Variants in STX1A observed in about 807,000 individuals in gnomAD.
STX1A encodes syntaxin-1A.
In STX1A, 4 loss-of-function variants were observed where a neutral mutation model predicts 37.8. That is an observed-to-expected ratio of 0.11 (90% CI 0.05 to 0.24). The LOEUF (loss-of-function observed/expected upper bound fraction) is 0.24, where lower values mean the gene tolerates loss of function less well. Ranked by LOEUF, STX1A falls within the 10% of genes least tolerant of loss-of-function variation. The pLI, the probability that STX1A is intolerant of heterozygous loss-of-function variation, is 1.00. For synonymous variants in STX1A, 135 were observed against 147.4 expected (o/e 0.92, Z 0.61); for missense variants, 251 against 399.9 (o/e 0.63, Z 3.18).
intron 7 of STX1A, 63 bp from the exon 8 acceptor site, chr7:73,703,045 G>T: frequency 1.5e-6 from 2 of 1,340,136 alleles, no homozygotes; most frequent in Non-Finnish European, 2.0e-6. Context: ...AGAGGGCCGA[G>T]GGGGAGGGCG....
Position 73,708,655 on chromosome 7 carries a change from C to G in STX1A, c.142G>C (p.Ala48Pro). Residue 48 changes from alanine to proline, a missense_variant, in exon 3 of 10, where the codon GCA (alanine) becomes CCA (proline). By Grantham distance (27) the Ala-to-Pro change is conservative. This residue lies in a region of STX1A where 214 missense variants were observed against 367.6 expected (regional missense o/e 0.58). Coordinates refer to ENST00000222812, the MANE Select transcript of STX1A (RefSeq NM_004603.4). ...CGCTTCACCTCCTCCACGTTCTCTGCGATCTTGTCAATGAAGCCTCGAATC... is the reference window on the plus strand; with the variant it reads ...CGCTTCACCTCCTCCACGTTCTCTGGGATCTTGTCAATGAAGCCTCGAATC... The part of the protein sequence containing the change: ...EEIRGFIDKI[A>P]ENVEEVKRKH... The G allele has an allele frequency of 6.2e-7, 1 of 1,614,110 alleles. No homozygotes were observed. Among genetic ancestry groups the G allele is most frequent in the Non-Finnish European group, 8.5e-7 (1 of 1,180,002 alleles).
chr7:73,701,680 T>C (rs1225643274), intron 8 of STX1A, among the ~76,000 whole-genome samples: 3 of 152,158 alleles, frequency 2.0e-5, no homozygotes, highest in African/African-American at 7.2e-5. Context: ...AGTCCATCGG[T>C]TGCCTTCACT....
chr7:73,704,213 T>C lies in STX1A; in HGVS notation c.401A>G (p.Tyr134Cys). The C allele has an allele frequency of 6.2e-7, 1 of 1,613,810 alleles. No individual in the cohort carries two copies. Among genetic ancestry groups the C allele is most frequent in the Non-Finnish European group, 8.5e-7 (1 of 1,179,984 alleles). ...GCGGTAGTCGGACTGCGTGGCGTTG[T>C]ACTCCGACATGACCTCCACAAACTT... ...SRKFVEVMSE[Y>C]NATQSDYRER... The change falls in exon 6 of 10, where the codon TAC (tyrosine) becomes TGC (cysteine). Residue 134 changes from tyrosine to cysteine, a missense_variant. Transcript: ENST00000222812.
chr7:73,709,853 C>T lies in STX1A; in HGVS notation c.31-731G>A, dbSNP rs1340238265. On this transcript the variant is annotated intron_variant, in intron 1 of 9. Transcript: ENST00000222812. The surrounding 1 kb of genome is among the most constrained non-coding windows in gnomAD (Gnocchi z 4.2). ...TCCCGAGGTGGCACGGATCAGATCT[C>T]TTAGGAATCTCCTGTGAGTCTTTTT... Among the ~76,000 whole-genome samples the T allele has an allele frequency of 3.9e-5, 6 of 152,208 alleles. No homozygotes were observed. The highest frequency in any genetic ancestry group is 1.4e-4 in the African/African-American group (6 of 41,452).
rs1016279497 is a variant in STX1A at position 73,706,259 on chromosome 7, A to G, written c.209-1035T>C. On this transcript the variant is annotated intron_variant, in intron 3 of 9. Coordinates refer to ENST00000222812, the MANE Select transcript of STX1A (RefSeq NM_004603.4). This position sits in a 1 kb window ranked among gnomAD's most constrained non-coding sequence, Gnocchi z 4.6. Reference sequence around the variant, plus strand: ...GGAATGCAGTGAGGTGGAGCGGGGAAGGGGGGGTTCCGAGGCGCGGAGGAG... The same window carrying G: ...GGAATGCAGTGAGGTGGAGCGGGGAGGGGGGGGTTCCGAGGCGCGGAGGAG... 1.3e-5 allele frequency among the ~76,000 whole-genome samples: 2 copies of G among 152,172 alleles called. No homozygotes were observed. Among genetic ancestry groups the G allele is most frequent in the African/African-American group, 4.8e-5 (2 of 41,524 alleles).
chr7:73,712,675 T>TA (rs1232046571), intron 1 of STX1A, among the ~76,000 whole-genome samples: 1 of 152,138 alleles, frequency 6.6e-6, no homozygotes, highest in Non-Finnish European at 1.5e-5. Context: ...CCCCAACTGT[T>TA]AGAGTCCTTC....
intron 4 of STX1A, 128 bp from the exon 5 acceptor site, chr7:73,704,551 C>G: frequency 8.5e-7 from 1 of 1,170,020 alleles, no homozygotes; most frequent in Non-Finnish European, 1.2e-6. Flanking sequence ...CTGGTGGGAT[C>G]AGTGCCAGGC....
chr7:73,709,147 G>T lies in STX1A; in HGVS notation c.31-25C>A. The T allele has an allele frequency of 6.2e-7, 1 of 1,608,838 alleles. No individual in the cohort carries two copies. Among genetic ancestry groups the T allele is most frequent in the Non-Finnish European group, 8.5e-7 (1 of 1,179,546 alleles). Reference sequence around the variant, plus strand: ...CCTGTGCGGGGTTGTGCACACATAAGTGGACGTATGTACAGGACCCACCTG... The same window carrying T: ...CCTGTGCGGGGTTGTGCACACATAATTGGACGTATGTACAGGACCCACCTG... On this transcript the variant is annotated intron_variant, in intron 1 of 9. Coordinates refer to ENST00000222812, the MANE Select transcript of STX1A (RefSeq NM_004603.4). The surrounding 1 kb of genome is among the most constrained non-coding windows in gnomAD (Gnocchi z 4.2).
intron 1 of STX1A, among the ~76,000 whole-genome samples, chr7:73,715,194 C>T (rs1265570882): frequency 2.0e-5 from 3 of 150,980 alleles, no homozygotes; most frequent in South Asian, 2.1e-4. Flanking sequence ...GAGGCCGAGG[C>T]GGGCAGATCA....
Position 73,700,307 on chromosome 7 carries a change from A to G in STX1A, c.*100T>C. ...GGGGGCCGGGAGGGAGGGTGCTCTG[A>G]GCCAGAGGCGGGGGTTGGGAGGGCA... On this transcript the variant is annotated 3_prime_UTR_variant, in exon 10 of 10. Coordinates refer to ENST00000222812, the MANE Select transcript of STX1A (RefSeq NM_004603.4). The surrounding 1 kb of genome is among the most constrained non-coding windows in gnomAD (Gnocchi z 4.4). 8.4e-7 allele frequency: 1 copy of G among 1,192,302 alleles called. No homozygotes were observed. Among genetic ancestry groups the G allele is most frequent in the Non-Finnish European group, 1.2e-6 (1 of 810,504 alleles). The allele number at this position is 1,192,302 out of a possible 1,614,324, so 73.9% of individuals were successfully genotyped here. A position where few individuals can be genotyped will look rare whatever the true frequency, so the allele number is the denominator to read the frequency against.
chr7:73,713,319 C>G (rs1272187658), intron 1 of STX1A, among the ~76,000 whole-genome samples: 3 of 152,144 alleles, frequency 2.0e-5, no homozygotes, highest in Non-Finnish European at 2.9e-5. Context: ...CCACTGCCAC[C>G]CTCACCTCCT....
chr7:73,703,614 C>A, intron 7 of STX1A, 141 bp downstream of exon 7: 1 of 1,011,622 alleles, frequency 9.9e-7, no homozygotes. Flanking sequence ...GGTGTTTTCC[C>A]CTCTCTGGGA....
chr7:73,712,564 C>G (rs1554618120), intron 1 of STX1A, among the ~76,000 whole-genome samples: 1 of 152,110 alleles, frequency 6.6e-6, no homozygotes. Context: ...CCTAAGGGAC[C>G]TGAAAAGTCC....
chr7:73,717,915 G>T lies in STX1A; in HGVS notation c.30+1687C>A, dbSNP rs946690235. ...CCCTTTTCTACCACCCCTCCCTCTA[G>T]CAGGCAAGCCGTGTTTCTTTTGTGC... On this transcript the variant is annotated intron_variant, in intron 1 of 9. Coordinates refer to ENST00000222812, the MANE Select transcript of STX1A (RefSeq NM_004603.4). The surrounding 1 kb of genome is among the most constrained non-coding windows in gnomAD (Gnocchi z 4.1). 9.2e-5 allele frequency among the ~76,000 whole-genome samples: 14 copies of T among 152,148 alleles called. No individual in the cohort carries two copies. The highest frequency in any genetic ancestry group is 1.6e-4 in the Non-Finnish European group (11 of 68,016).
rs1410131135 is a variant in STX1A at position 73,706,119 on chromosome 7, C to T, written c.209-895G>A. Among the ~76,000 whole-genome samples, 1 of 152,088 alleles carries T rather than the reference C, an allele frequency of 6.6e-6. No homozygotes were observed. Among genetic ancestry groups the T allele is most frequent in the East Asian group, 1.9e-4 (1 of 5,174 alleles). ...AGCCGGGACTGAGCTCTGGCTATCA[C>T]CTTCCCACCTGCCCCTCTGCTTGCC... On this transcript the variant is annotated intron_variant, in intron 3 of 9. Transcript: ENST00000222812. The surrounding 1 kb of genome is among the most constrained non-coding windows in gnomAD (Gnocchi z 4.6).
rs1798831508 is a variant in STX1A, at chr7:73,705,341, CCT to C, written c.209-119_209-118del. 7.1e-6 allele frequency: 6 copies of C among 840,000 alleles called. No homozygotes were observed. Among genetic ancestry groups the C allele is most frequent in the East Asian group, 4.9e-5 (2 of 40,420 alleles). 52.0% of individuals were successfully genotyped at this position (840,000 alleles called of 1,614,324 possible). ...GGCTCTGGGAAGATCCCTGTTCTCC[CCT>C]GTTCCCCTGGCTAAGGCTCTGCCTG... is the stretch of plus-strand genomic sequence containing the variant. On this transcript the variant is annotated intron_variant, in intron 3 of 9. Coordinates refer to ENST00000222812, the MANE Select transcript of STX1A (RefSeq NM_004603.4). The surrounding 1 kb of genome is among the most constrained non-coding windows in gnomAD (Gnocchi z 5.2).
chr7:73,700,612 G>C lies in STX1A; in HGVS notation c.789+118C>G. ...AGGGGAAGGTGACGGCCTGGGAGGG[G>C]GCTGTCATGGGGAGCTCCTGAGAGA... On this transcript the variant is annotated intron_variant, in intron 9 of 9. Coordinates refer to ENST00000222812, the MANE Select transcript of STX1A (RefSeq NM_004603.4). The surrounding 1 kb of genome is among the most constrained non-coding windows in gnomAD (Gnocchi z 4.4). The C allele has an allele frequency of 6.7e-7, 1 of 1,501,808 alleles. No individual in the cohort carries two copies. The highest frequency in any genetic ancestry group is 1.2e-5 in the South Asian group (1 of 84,082). 93.0% of individuals were successfully genotyped at this position (1,501,808 alleles called of 1,614,324 possible). A position where few individuals can be genotyped will look rare whatever the true frequency, so the allele number is the denominator to read the frequency against.
At chr7:73,715,687 G>T (rs199916561) in intron 1 of STX1A, among the ~76,000 whole-genome samples, 2 of 152,204 alleles carry the variant, frequency 1.3e-5, no homozygotes, top group Non-Finnish European at 2.9e-5. Flanking sequence ...GCCTCCAGGC[G>T]TGTCCCAGGG....
intron 6 of STX1A, 99 bp downstream of exon 6, chr7:73,704,049 C>T (rs1798773053): frequency 1.5e-6 from 2 of 1,372,122 alleles, no homozygotes; most frequent in South Asian, 1.4e-5. Context: ...GCCTCGGGCC[C>T]CTAACTAAGC....
Sources: allele counts gnomAD v4.1 joint callset (sites outside exome capture counted in the v4.1 genomes callset), GRCh38; gene constraint gnomAD v4.1.1; regional missense constraint gnomAD v4.1.1; non-coding constraint Gnocchi (gnomAD v3.1); transcripts MANE v1.5; gene names NCBI Gene and HGNC (gene_info 2026-07-23, HGNC 2026-07-21).